Variants in RABEPK observed in about 807,000 individuals in gnomAD.
The protein encoded by RABEPK is Rab9 effector protein with kelch motifs.
Under a neutral mutation model 34.1 loss-of-function variants are expected in RABEPK, and 27 were observed. The ratio of observed to expected loss-of-function variants is 0.79; its 90% CI spans 0.58 to 1.09. RABEPK has a LOEUF of 1.09. Ranked by LOEUF, RABEPK falls within the 50% of genes least tolerant of loss-of-function variation. RABEPK has a pLI of 0.00. For synonymous variants in RABEPK, 172 were observed against 169.2 expected, an observed-to-expected ratio of 1.02 and a Z score of -0.13; for missense variants, 449 against 462.6, an observed-to-expected ratio of 0.97 and a Z score of 0.27.
intron 6 of RABEPK, among the ~76,000 whole-genome samples, chr9:125,229,675 T>G (rs908096659): frequency 6.6e-6 from 1 of 152,238 alleles, no homozygotes; most frequent in Non-Finnish European, 1.5e-5. Context: ...CTGGATTTCT[T>G]TCTGGTGTTA....
rs183619949 is a variant in RABEPK at position 125,228,594 on chromosome 9, G to C, written c.676+535G>C. On this transcript the variant is annotated intron_variant, in intron 6 of 7. Transcript: ENST00000373538. ...GAATCGCTTGAACCCAGGAGGTGGA[G>C]GTTGTGGTGAGCTAAGATTACGCCA... Among the ~76,000 whole-genome samples, 33 of 151,936 alleles carry C rather than the reference G, an allele frequency of 2.2e-4. 1 individual carries two copies. Among genetic ancestry groups the C allele is most frequent in the Admixed American group, 2.2e-3 (33 of 15,214 alleles).
At chr9:125,210,752 C>G (rs139751431) in intron 3 of RABEPK, among the ~76,000 whole-genome samples, 56 of 150,258 alleles carry the variant, frequency 3.7e-4, no homozygotes, top group Non-Finnish European at 6.2e-4. Flanking sequence ...ATTCTTTGCT[C>G]TACACAAGGG....
Position 125,233,841 on chromosome 9 carries a change from A to G in RABEPK, c.980A>G (p.Asp327Gly), listed in dbSNP as rs778761967. 6.2e-7 allele frequency: 1 copy of G among 1,614,174 alleles called. No individual in the cohort carries two copies. Among genetic ancestry groups the G allele is most frequent in the Admixed American group, 1.7e-5 (1 of 60,012 alleles). Residue 327 changes from aspartate (D) to glycine (G), a missense_variant, in exon 8 of 8, where the codon GAT (aspartate) becomes GGT (glycine). Asp to Gly is a moderately conservative substitution (Grantham distance 94, BLOSUM62 -1). Coordinates refer to ENST00000373538, the MANE Select transcript of RABEPK (RefSeq NM_005833.4). ...LTLNHEAEKE[D>G]SADKVMSHSG... Reference sequence around the variant, plus strand: ...CTGAACCATGAAGCTGAGAAAGAGGATTCAGCTGACAAAGTAATGAGCCAC... The same window carrying G: ...CTGAACCATGAAGCTGAGAAAGAGGGTTCAGCTGACAAAGTAATGAGCCAC...
chr9:125,212,944 A>G (rs1830684525), intron 3 of RABEPK, among the ~76,000 whole-genome samples: 1 of 152,222 alleles, frequency 6.6e-6, no homozygotes, highest in Non-Finnish European at 1.5e-5. Context: ...CTCGGATTAC[A>G]GGCGTGAGCC....
At chr9:125,206,536 A>G (rs1410589946) in intron 2 of RABEPK, among the ~76,000 whole-genome samples, 2 of 151,864 alleles carry the variant, frequency 1.3e-5, no homozygotes, top group African/African-American at 2.4e-5. Flanking sequence ...GGAATGACCG[A>G]ATTCTGTATG....
intron 6 of RABEPK, among the ~76,000 whole-genome samples, chr9:125,229,249 G>A (rs1222867420): frequency 4.0e-5 from 6 of 149,966 alleles, no homozygotes; most frequent in African/African-American, 9.8e-5. Context: ...GCAAGACTCC[G>A]TCTCCAAAAA....
At chr9:125,221,737 C>G (rs59652534) in intron 5 of RABEPK, 1 of 148,716 alleles carries the variant, frequency 6.7e-6, no homozygotes, top group Non-Finnish European at 1.5e-5. Flanking sequence ...GTGCAGTTGC[C>G]CGATCTCGGC....
chr9:125,220,240 G>T (rs1831227881), intron 4 of RABEPK: 2 of 1,224,958 alleles, frequency 1.6e-6, no homozygotes, highest in East Asian at 6.0e-5. Context: ...GACCTCAAGT[G>T]ATCCGCCCGC....
In RABEPK at chr9:125,227,804, A is replaced by C; in HGVS notation, c.527-106A>C. 1.8e-6 allele frequency: 2 copies of C among 1,112,070 alleles called. 1 individual carries two copies. Among genetic ancestry groups the C allele is most frequent in the South Asian group, 4.3e-5 (2 of 46,624 alleles). The allele number at this position is 1,112,070 out of a possible 1,614,324, so 68.9% of individuals were successfully genotyped here. ...GAATGACCCCAGGGTTGCTTCCTGCATGGGACAGCTCCGCTTGCTAGGAGG... is the reference window on the plus strand; with the variant it reads ...GAATGACCCCAGGGTTGCTTCCTGCCTGGGACAGCTCCGCTTGCTAGGAGG... On this transcript the variant is annotated intron_variant, in intron 5 of 7. Coordinates refer to ENST00000373538, the MANE Select transcript of RABEPK (RefSeq NM_005833.4).
intron 5 of RABEPK, among the ~76,000 whole-genome samples, chr9:125,225,964 A>G (rs1343453109): frequency 1.4e-5 from 2 of 147,148 alleles, no homozygotes; most frequent in African/African-American, 5.0e-5. Flanking sequence ...CTCTGTTTCA[A>G]AAAAAAAAAA....
intron 4 of RABEPK, among the ~76,000 whole-genome samples, chr9:125,218,377 C>T (rs927383859): frequency 1.1e-4 from 17 of 148,196 alleles, no homozygotes; most frequent in African/African-American, 3.0e-4. Flanking sequence ...TGCTCTGCTA[C>T]GCACATATGC....
intron 7 of RABEPK, among the ~76,000 whole-genome samples, chr9:125,233,390 G>C (rs1832356524): frequency 7.6e-6 from 1 of 131,880 alleles, no homozygotes; most frequent in Admixed American, 8.5e-5. Flanking sequence ...CCAGGCTGTA[G>C]TGCGGTGACG....
intron 6 of RABEPK, 95 bp from the exon 7 acceptor site, chr9:125,232,501 C>T (rs1337612123): frequency 7.3e-7 from 1 of 1,364,954 alleles, no homozygotes; most frequent in East Asian, 2.4e-5. Flanking sequence ...TGGTGAATGA[C>T]TTTCAGTGAT....
At chr9:125,214,154 T>A (rs551229265) in intron 4 of RABEPK, among the ~76,000 whole-genome samples, 36 of 151,952 alleles carry the variant, frequency 2.4e-4, no homozygotes, top group Non-Finnish European at 2.8e-4. Flanking sequence ...AAAATTTTTT[T>A]AAAAATAAAG....
Position 125,233,907 on chromosome 9 carries a change from T to A in RABEPK, c.1046T>A (p.Leu349His), listed in dbSNP as rs372701297. 6.0e-5 allele frequency: 97 copies of A among 1,613,486 alleles called. No individual in the cohort carries two copies. The highest frequency in any genetic ancestry group is 7.4e-5 in the Non-Finnish European group (87 of 1,179,538). Reference protein sequence around the residue: ...SHEESQTATLLCLVFGGMNTE... With the variant: ...SHEESQTATLHCLVFGGMNTE... ...GAGGAAAGCCAGACTGCTACACTGC[T>A]CTGTTTGGTGTTTGGTGGGATGAAT... is the stretch of plus-strand genomic sequence containing the variant. Residue 349 changes from leucine (L) to histidine (H), a missense_variant, in exon 8 of 8, where the codon CTC becomes CAC. Transcript: ENST00000373538.
intron 5 of RABEPK, among the ~76,000 whole-genome samples, chr9:125,226,985 C>T (rs1401493870): frequency 6.6e-6 from 1 of 152,004 alleles, no homozygotes; most frequent in African/African-American, 2.4e-5. Context: ...GCCTGACCAA[C>T]ATGGAGAAAC....
At position 125,220,558 on chromosome 9, in the gene RABEPK, G is replaced by A. The variant is rs78598675; in HGVS notation, c.384G>A (p.Thr128=). 3.0e-3 allele frequency: 4,781 copies of A among 1,613,858 alleles called. 80 individuals carry two copies. In the African/African-American group the frequency reaches 0.046, roughly 15 times the overall value. Residue 128 remains threonine (T), a synonymous_variant, in exon 5 of 8, where the codon ACG becomes ACA. Coordinates refer to ENST00000373538, the MANE Select transcript of RABEPK (RefSeq NM_005833.4). ...VLNPETRTWT[T]PEVTSPPPSP... is the part of the protein sequence containing the mutation. ...GCCCAGAAACCAGGACGTGGACCAC[G>A]CCAGAAGTGACCAGCCCCCCACCAT...
rs756695985 is a variant in RABEPK at position 125,200,820 on chromosome 9, C to G, written c.-93C>G. The G allele has an allele frequency of 6.2e-5, 29 of 471,144 alleles. No individual in the cohort carries two copies. The highest frequency in any genetic ancestry group is 5.4e-4 in the African/African-American group (27 of 50,116). 29.2% of individuals were successfully genotyped at this position (471,144 alleles called of 1,614,324 possible). A position where few individuals can be genotyped will look rare whatever the true frequency, so the allele number is the denominator to read the frequency against. On this transcript the variant is annotated 5_prime_UTR_variant, in exon 1 of 8. Coordinates refer to ENST00000373538, the MANE Select transcript of RABEPK (RefSeq NM_005833.4). ...ATGAGATTTGCTGGGCTGGTAGCGGCGGCTGCTGCGGGAGGTCCCGCCCAC... is the reference window on the plus strand; with the variant it reads ...ATGAGATTTGCTGGGCTGGTAGCGGGGGCTGCTGCGGGAGGTCCCGCCCAC...
At chr9:125,228,157 C>T (rs1158579607) in intron 6 of RABEPK, 98 bp downstream of exon 6, 43 of 1,093,804 alleles carry the variant, frequency 3.9e-5, no homozygotes, top group Non-Finnish European at 4.3e-5. Context: ...GGCTGGAGTG[C>T]GGTGGCATGA....
Sources: gnomAD v4.1 joint callset for allele counts (sites outside exome capture counted in the v4.1 genomes callset) on GRCh38, gnomAD v4.1.1 for gene constraint, MANE v1.5 for transcripts, NCBI Gene and HGNC (gene_info 2026-07-23, HGNC 2026-07-21) for gene names.